The following CRK variants were observed in gnomAD, a reference collection of about 807,000 sequenced individuals.
CRK encodes the protein CRK proto-oncogene, adaptor protein, also known as adapter molecule crk.
A neutral mutation model predicts 29.8 loss-of-function variants in CRK; 4 were observed. The ratio of observed to expected loss-of-function variants is 0.13; its 90% CI spans 0.07 to 0.31. The LOEUF (loss-of-function observed/expected upper bound fraction) is 0.31, where lower values mean the gene tolerates loss of function less well. CRK is among the 10% of genes least tolerant of loss of function. CRK has a pLI of 1.00. For missense variants in CRK, 274 were observed against 396.5 expected, an observed-to-expected ratio of 0.69 and a Z score of 2.62; for synonymous variants, 153 against 164.9, an observed-to-expected ratio of 0.93 and a Z score of 0.55.
intron 1 of CRK, among the ~76,000 whole-genome samples, chr17:1,446,890 G>A (rs6502707): frequency 0.13 from 19,328 of 152,192 alleles, 1,463 homozygotes; most frequent in African/African-American, 0.2. Flanking sequence ...ACCACGCCCG[G>A]CCGTGACTTT....
intron 2 of CRK, among the ~76,000 whole-genome samples, chr17:1,427,030 CAAAAAAAAAAAA>C (rs562515421): frequency 3.1e-4 from 11 of 35,302 alleles, no homozygotes; most frequent in African/African-American, 6.7e-4. Context: ...AAACTGTCTC[CAAAAAAAAAAAA>C]AAAAAAAAAA....
intron 1 of CRK, among the ~76,000 whole-genome samples, chr17:1,445,311 A>G (rs748753183): frequency 6.6e-6 from 1 of 152,140 alleles, no homozygotes; most frequent in Non-Finnish European, 1.5e-5. Flanking sequence ...TACATTTTTC[A>G]TATTACCCAA....
chr17:1,430,518 G>C (rs562007947), intron 2 of CRK, among the ~76,000 whole-genome samples: 7 of 149,308 alleles, frequency 4.7e-5, no homozygotes, highest in African/African-American at 1.7e-4. Context: ...CACCACGTCC[G>C]GCTAATTTTT....
At chr17:1,454,046 C>CA (rs2074038141) in intron 1 of CRK, among the ~76,000 whole-genome samples, 1 of 151,624 alleles carries the variant, frequency 6.6e-6, no homozygotes, top group Non-Finnish European at 1.5e-5. Context: ...ACTAAAAATA[C>CA]AAAAAATTAG....
chr17:1,428,347 G>A (rs191909269), intron 2 of CRK, among the ~76,000 whole-genome samples: 2 of 151,432 alleles, frequency 1.3e-5, no homozygotes, highest in Non-Finnish European at 2.9e-5. Context: ...TCGATCTCCT[G>A]ACTTCATGAT....
intron 1 of CRK, among the ~76,000 whole-genome samples, chr17:1,442,158 GTTTTT>G (rs56392950): frequency 4.9e-5 from 7 of 142,568 alleles, no homozygotes; most frequent in African/African-American, 1.8e-4. Context: ...CGCCCGGCCT[GTTTTT>G]TTTTTTTTTG....
intron 1 of CRK, among the ~76,000 whole-genome samples, chr17:1,452,155 C>G (rs934546149): frequency 1.3e-5 from 2 of 152,118 alleles, no homozygotes; most frequent in African/African-American, 2.4e-5. Context: ...TGCCTAGGTT[C>G]AACTTCTGAA....
chr17:1,422,423 A>G lies in CRK; in HGVS notation c.*1090T>C, dbSNP rs1598289983. The stretch of plus-strand genomic sequence containing the variant: ...CATGATCCACCCGCCTCGGCCTCCC[A>G]AAGTGCTGGGATTACAGACGTGAGC... On this transcript the variant is annotated 3_prime_UTR_variant, in exon 3 of 3. Transcript: ENST00000300574. 6.6e-6 allele frequency: 1 copy of G among 152,188 alleles called. No individual in the cohort carries two copies. The highest frequency in any genetic ancestry group is 1.5e-5 in the Non-Finnish European group (1 of 68,060). 9.4% of individuals were successfully genotyped at this position (152,188 alleles called of 1,614,324 possible). A position where few individuals can be genotyped will look rare whatever the true frequency, so the allele number is the denominator to read the frequency against.
intron 1 of CRK, among the ~76,000 whole-genome samples, chr17:1,453,794 C>G (rs1051410998): frequency 2.0e-5 from 3 of 152,182 alleles, no homozygotes; most frequent in Non-Finnish European, 4.4e-5. Context: ...GTAATCCCAG[C>G]TACTAGGGAG....
At chr17:1,432,041 T>C (rs1442504437) in intron 2 of CRK, among the ~76,000 whole-genome samples, 2 of 152,164 alleles carry the variant, frequency 1.3e-5, no homozygotes, top group East Asian at 3.8e-4. Flanking sequence ...GAGGGAGACC[T>C]CACTACAGCA....
In CRK at chr17:1,433,720, TATC is replaced by T. The variant is rs1191488199; in HGVS notation, c.777+2897_777+2899del. On this transcript the variant is annotated intron_variant, in intron 2 of 2. Transcript: ENST00000300574. ...TTTTAGTACAGACAGGGTTTCATCA[TATC>T]GGTCAGGCTGGTCTCAAACTCCTGA... 2.0e-5 allele frequency among the ~76,000 whole-genome samples: 3 copies of T among 151,784 alleles called. No homozygotes were observed. The South Asian group carries it at 6.2e-4, about 32-fold the overall frequency.
chr17:1,430,600 C>CAA (rs1203170293), intron 2 of CRK, among the ~76,000 whole-genome samples: 1 of 136,274 alleles, frequency 7.3e-6, no homozygotes, highest in African/African-American at 2.7e-5. Flanking sequence ...TTCCTGACCT[C>CAA]GTGATCCGCC....
chr17:1,448,468 C>T (rs534876155), intron 1 of CRK, among the ~76,000 whole-genome samples: 4 of 151,336 alleles, frequency 2.6e-5, no homozygotes, highest in Admixed American at 2.0e-4. Context: ...ACTAAAAATG[C>T]AAAAATTAGC....
In CRK at chr17:1,423,166, G is replaced by A; in HGVS notation, c.*347C>T. ...AAACAAAACCACTGAATAAATCAGG[G>A]TAAGCAGTGTGTAACACTCCTTCCT... On this transcript the variant is annotated 3_prime_UTR_variant, in exon 3 of 3. Coordinates refer to ENST00000300574, the MANE Select transcript of CRK (RefSeq NM_016823.4). 1 of 457,150 alleles carries A rather than the reference G, an allele frequency of 2.2e-6. No homozygotes were observed. The highest frequency in any genetic ancestry group is 3.8e-6 in the Non-Finnish European group (1 of 260,678). 28.3% of individuals were successfully genotyped at this position (457,150 alleles called of 1,614,324 possible). A position where few individuals can be genotyped will look rare whatever the true frequency, so the allele number is the denominator to read the frequency against.
At chr17:1,433,669 C>A (rs1399490107) in intron 2 of CRK, among the ~76,000 whole-genome samples, 1 of 151,680 alleles carries the variant, frequency 6.6e-6, no homozygotes, top group Non-Finnish European at 1.5e-5. Flanking sequence ...CAGGCGCCCA[C>A]CACCACGCCT....
In CRK at chr17:1,422,882, T is replaced by C; in HGVS notation, c.*631A>G. Reference sequence around the variant, plus strand: ...ACACTTATCTTAGGAATTCACCTACTTACAGGTTTGGGGGACAAGAATGTC... The same window carrying C: ...ACACTTATCTTAGGAATTCACCTACCTACAGGTTTGGGGGACAAGAATGTC... On this transcript the variant is annotated 3_prime_UTR_variant, in exon 3 of 3. Transcript: ENST00000300574. 1 of 398,852 alleles carries C rather than the reference T, an allele frequency of 2.5e-6. No individual in the cohort carries two copies. The allele number at this position is 398,852 out of a possible 1,614,324, so 24.7% of individuals were successfully genotyped here.
chr17:1,425,625 G>C (rs1384581375), intron 2 of CRK, among the ~76,000 whole-genome samples: 3 of 152,208 alleles, frequency 2.0e-5, no homozygotes, highest in Non-Finnish European at 4.4e-5. Flanking sequence ...TTCAAATTAT[G>C]CATCTGGGCT....
chr17:1,454,897 T>G (rs980463415), intron 1 of CRK, among the ~76,000 whole-genome samples: 3 of 152,146 alleles, frequency 2.0e-5, no homozygotes, highest in African/African-American at 4.8e-5. Context: ...CAGGGATCCC[T>G]CCCTGGCAAG....
At chr17:1,449,496 T>C (rs1233871515) in intron 1 of CRK, among the ~76,000 whole-genome samples, 1 of 152,168 alleles carries the variant, frequency 6.6e-6, no homozygotes, top group Non-Finnish European at 1.5e-5. Flanking sequence ...GTATTACTAT[T>C]TCCCTCCTTC....
Sources: gnomAD v4.1 joint callset for allele counts (sites outside exome capture counted in the v4.1 genomes callset) on GRCh38, gnomAD v4.1.1 for gene constraint, MANE v1.5 for transcripts, NCBI Gene and HGNC (gene_info 2026-07-23, HGNC 2026-07-21) for gene names.